The following USH2A variants were observed in gnomAD, a reference collection of about 807,000 sequenced individuals.
USH2A encodes the protein Usher syndrome 2A (autosomal recessive, mild).
In USH2A, 443 loss-of-function variants were observed where a neutral mutation model predicts 538.9. The ratio of observed to expected loss-of-function variants is 0.82; its 90% CI spans 0.76 to 0.89. The LOEUF is 0.89. USH2A is among the 40% of genes least tolerant of loss of function. USH2A has a pLI of 0.00. For synonymous variants in USH2A, 2,413 were observed against 2,273.5 expected (o/e 1.06, Z -1.75); for missense variants, 6,633 against 6,324.8 (o/e 1.05, Z -1.65).
Position 215,934,678 on chromosome 1 carries a change from T to C in USH2A, c.7238A>G (p.Asn2413Ser), listed in dbSNP as rs780840434. 1.2e-6 allele frequency: 2 copies of C among 1,612,742 alleles called. No individual in the cohort carries two copies. The highest frequency in any genetic ancestry group is 1.3e-5 in the African/African-American group (1 of 74,842). Residue 2413 changes from asparagine (N) to serine (S), a missense_variant, in exon 38 of 72, where the codon AAT becomes AGT. Coordinates refer to ENST00000307340, the MANE Select transcript of USH2A (RefSeq NM_206933.4). ...VPFTNYTVQV[N>S]ISNSQGSLIT... The stretch of plus-strand genomic sequence containing the variant: ...CAAGCTGCCTTGGCTATTTGAAATA[T>C]TCACTTGTACAGTATAGTTGGTAAA...
rs2035366688 is a variant in USH2A at position 216,217,531 on chromosome 1, G to A, written c.3013C>T (p.His1005Tyr). 6.2e-7 allele frequency: 1 copy of A among 1,613,064 alleles called. No individual in the cohort carries two copies. Among genetic ancestry groups the A allele is most frequent in the Non-Finnish European group, 8.5e-7 (1 of 1,179,340 alleles). ...QTGRCQPCNC[H>Y]LSGALNETCH... ...GTTTCATTCAAGGCTCCTGAGAGAT[G>A]ACAATTACAAGGCTGACATCTGAAA... Residue 1005 changes from histidine to tyrosine, a missense_variant, in exon 15 of 72, where the codon CAT becomes TAT. Physicochemically the swap from His to Tyr is moderately conservative, Grantham distance 83 (BLOSUM62 2). Coordinates refer to ENST00000307340, the MANE Select transcript of USH2A (RefSeq NM_206933.4).
chr1:216,139,992 C>G (rs896951300), intron 21 of USH2A, among the ~76,000 whole-genome samples: 2 of 152,174 alleles, frequency 1.3e-5, no homozygotes, highest in African/African-American at 4.8e-5. Context: ...AGGTAATTAA[C>G]TCACTTTATA....
intron 32 of USH2A, among the ~76,000 whole-genome samples, chr1:216,020,570 T>C (rs2102500736): frequency 6.6e-6 from 1 of 152,278 alleles, no homozygotes; most frequent in South Asian, 2.1e-4. Context: ...ATAAAGATGA[T>C]AGTAGCATCT....
intron 36 of USH2A, 95 bp from the exon 37 acceptor site, chr1:215,965,574 A>G: frequency 6.9e-7 from 1 of 1,455,828 alleles, no homozygotes; most frequent in Non-Finnish European, 9.4e-7. Context: ...TTTTGCTGTG[A>G]AGTAAACTAT....
At chr1:215,938,620 A>T (rs3908469) in intron 37 of USH2A, among the ~76,000 whole-genome samples, 79,566 of 151,820 alleles carry the variant, frequency 0.52, 21,608 homozygotes, top group East Asian at 0.68. Flanking sequence ...TGGCCCTCCA[A>T]TCTGACCCTA....
At chr1:215,896,098 C>A (rs1381084668) in intron 40 of USH2A, among the ~76,000 whole-genome samples, 1 of 152,134 alleles carries the variant, frequency 6.6e-6, no homozygotes, top group Non-Finnish European at 1.5e-5. Context: ...ACTGTGTCAT[C>A]AAAATAATGA....
In USH2A at chr1:215,738,466, C is replaced by T. The variant is rs191892170; in HGVS notation, c.11711+2909G>A. ...TTGTTCTTACTAGGTTATTTTGTTT[C>T]GTTTTTGAAATTATAAACATTCTTC... On this transcript the variant is annotated intron_variant, in intron 60 of 71. Coordinates refer to ENST00000307340, the MANE Select transcript of USH2A (RefSeq NM_206933.4). 1.0e-3 allele frequency among the ~76,000 whole-genome samples: 156 copies of T among 152,088 alleles called. 3 individuals are homozygous for T. Among genetic ancestry groups the T allele is most frequent in the Admixed American group, 6.7e-3 (103 of 15,260 alleles).
intron 61 of USH2A, among the ~76,000 whole-genome samples, chr1:215,726,585 T>C (rs972911691): frequency 6.6e-6 from 1 of 152,248 alleles, no homozygotes; most frequent in Admixed American, 6.5e-5. Flanking sequence ...AACCTTCATG[T>C]AAATTGGCCT....
chr1:215,719,362 C>CA (rs375176415), intron 61 of USH2A, among the ~76,000 whole-genome samples: 20,969 of 74,578 alleles, frequency 0.28, 3,168 homozygotes, highest in South Asian at 0.39. Context: ...CCTCAGGAGA[C>CA]AAAAAAAAAA....
At chr1:215,952,630 C>T (rs1666950322) in intron 37 of USH2A, among the ~76,000 whole-genome samples, 1 of 152,040 alleles carries the variant, frequency 6.6e-6, no homozygotes, top group Admixed American at 6.5e-5. Context: ...TTTTCTCCTT[C>T]ACTTATGAAG....
intron 56 of USH2A, among the ~76,000 whole-genome samples, chr1:215,762,389 C>A (rs766246295): frequency 6.6e-6 from 1 of 152,052 alleles, no homozygotes; most frequent in African/African-American, 2.4e-5. Flanking sequence ...GTCAATAAAG[C>A]CTGTGGATGT....
rs540612997 is a variant in USH2A, at chr1:216,187,755, T to A, written c.4396+2468A>T. 2.6e-3 allele frequency among the ~76,000 whole-genome samples: 388 copies of A among 152,040 alleles called. 1 individual carries two copies. The highest frequency in any genetic ancestry group is 3.8e-3 in the Non-Finnish European group (260 of 67,916). On this transcript the variant is annotated intron_variant, in intron 20 of 71. Transcript: ENST00000307340. Reference sequence around the variant, plus strand: ...AATTTTTATTGAGAATGAACTGTGATGGGCACTGCTTTAAATATTTTACAT... The same window carrying A: ...AATTTTTATTGAGAATGAACTGTGAAGGGCACTGCTTTAAATATTTTACAT...
intron 61 of USH2A, among the ~76,000 whole-genome samples, chr1:215,713,058 C>T (rs7537402): frequency 0.025 from 3,771 of 152,252 alleles, 147 homozygotes; most frequent in African/African-American, 0.086. Context: ...CTGCCCACCT[C>T]GGCTTCCCAA....
At chr1:215,866,049 A>C (rs2102439639) in intron 44 of USH2A, among the ~76,000 whole-genome samples, 1 of 152,296 alleles carries the variant, frequency 6.6e-6, no homozygotes, top group South Asian at 2.1e-4. Flanking sequence ...TGATTACCCC[A>C]GTGAGCAGAG....
chr1:215,894,524 G>A (rs12409714), intron 40 of USH2A, among the ~76,000 whole-genome samples: 14,550 of 152,048 alleles, frequency 0.096, 825 homozygotes, highest in African/African-American at 0.15. Context: ...CAGGTTGTGA[G>A]AATAAAAACA....
At chr1:216,231,237 T>TATATATATTATATATATA (rs2035672675) in intron 14 of USH2A, among the ~76,000 whole-genome samples, 1 of 41,234 alleles carries the variant, frequency 2.4e-5, no homozygotes, top group African/African-American at 7.3e-5. Flanking sequence ...ATATCCCATA[T>TATATATATTATATATATA]ATATATATAT....
intron 9 of USH2A, among the ~76,000 whole-genome samples, chr1:216,314,172 C>T (rs2037468870): frequency 6.6e-6 from 1 of 152,056 alleles, no homozygotes; most frequent in African/African-American, 2.4e-5. Context: ...TCTCTATTTG[C>T]TTCTTCTGTA....
intron 44 of USH2A, among the ~76,000 whole-genome samples, chr1:215,857,650 C>T (rs374002500): frequency 6.6e-6 from 1 of 152,206 alleles, no homozygotes; most frequent in Non-Finnish European, 1.5e-5. Context: ...AGCATTAGCA[C>T]AATCTGAGGG....
chr1:216,030,429 TATA>T (rs1669087298), intron 32 of USH2A, among the ~76,000 whole-genome samples: 33 of 52,432 alleles, frequency 6.3e-4, no homozygotes, highest in African/African-American at 1.8e-3. Context: ...ATCACAGACA[TATA>T]ATATATATGA....
Sources: gnomAD v4.1 joint callset for allele counts (sites outside exome capture counted in the v4.1 genomes callset) on GRCh38, gnomAD v4.1.1 for gene constraint, MANE v1.5 for transcripts, NCBI Gene and HGNC (gene_info 2026-07-23, HGNC 2026-07-21) for gene names.